Variants in SPECC1L observed in about 807,000 individuals in gnomAD.
The protein encoded by SPECC1L is cytospin-A.
SPECC1L carries 40 observed loss-of-function variants against 116.8 expected under a neutral mutation model. That is an observed-to-expected ratio of 0.34 (90% CI 0.27 to 0.45). The LOEUF is 0.45. Among genes scored for constraint, SPECC1L ranks in the 20% least tolerant of loss-of-function variants. The pLI is 1.00. For missense variants in SPECC1L, 1,110 were observed against 1,373.6 expected (o/e 0.81, Z 3.03); for synonymous variants, 504 against 500.6 (o/e 1.01, Z -0.09).
At chr22:24,289,526 A>G (rs2049117061) in intron 2 of SPECC1L, among the ~76,000 whole-genome samples, 1 of 152,172 alleles carries the variant, frequency 6.6e-6, no homozygotes, top group African/African-American at 2.4e-5. Context: ...TTCTAAGTTT[A>G]AAAAAATCCA....
intron 11 of SPECC1L, among the ~76,000 whole-genome samples, chr22:24,355,789 G>T: frequency 6.7e-6 from 1 of 149,920 alleles, no homozygotes; most frequent in African/African-American, 2.5e-5. Context: ...TCTGCATTCT[G>T]TTCTCCTCCC....
At chr22:24,359,296 C>T (rs931587447) in intron 11 of SPECC1L, among the ~76,000 whole-genome samples, 3 of 152,190 alleles carry the variant, frequency 2.0e-5, no homozygotes, top group Non-Finnish European at 4.4e-5. Context: ...TGCACTCCCA[C>T]GCCATCACCT....
At chr22:24,381,177 G>A (rs960665228) in intron 14 of SPECC1L, among the ~76,000 whole-genome samples, 4 of 152,114 alleles carry the variant, frequency 2.6e-5, no homozygotes, top group African/African-American at 9.7e-5. Flanking sequence ...TTGCATCACT[G>A]TTTTCTTGCC....
chr22:24,383,331 C>T (rs1176733162), intron 14 of SPECC1L, among the ~76,000 whole-genome samples: 2 of 152,164 alleles, frequency 1.3e-5, no homozygotes, highest in Non-Finnish European at 1.5e-5. Context: ...AATCCTAGCA[C>T]TTTGGGAAAC....
intron 2 of SPECC1L, among the ~76,000 whole-genome samples, chr22:24,282,451 G>C (rs559567003): frequency 2.5e-4 from 38 of 152,344 alleles, no homozygotes; most frequent in African/African-American, 7.7e-4. Flanking sequence ...TTAGAAGCAA[G>C]ATGGAGTCAG....
chr22:24,325,896 G>A (rs547261468), intron 6 of SPECC1L, among the ~76,000 whole-genome samples: 17 of 152,214 alleles, frequency 1.1e-4, no homozygotes, highest in African/African-American at 4.1e-4. Flanking sequence ...ACAATTTTCA[G>A]CAAATTTCAA....
At position 24,390,872 on chromosome 22, in the gene SPECC1L, C is replaced by CTTTTCTT. The variant is rs2042253331; in HGVS notation, c.3088-20712_3088-20711insCTTTTTT. ...TGTTCCTTTTTTTTTTTTTTCTTTT[C>CTTTTCTT]TTTTTTTTTTTTTTTTTTTTTTTTT... On this transcript the variant is annotated intron_variant, in intron 14 of 16. Coordinates refer to ENST00000314328, the MANE Select transcript of SPECC1L (RefSeq NM_015330.6). Among the ~76,000 whole-genome samples the CTTTTCTT allele has an allele frequency of 2.9e-3, 167 of 57,130 alleles. 6 individuals are homozygous for CTTTTCTT. Among genetic ancestry groups the CTTTTCTT allele is most frequent in the African/African-American group, 0.012 (164 of 13,220 alleles). 37.5% of individuals were successfully genotyped at this position (57,130 alleles called of 152,430 possible). A position where few individuals can be genotyped will look rare whatever the true frequency, so the allele number is the denominator to read the frequency against.
intron 14 of SPECC1L, among the ~76,000 whole-genome samples, chr22:24,376,266 C>T (rs1302195071): frequency 1.3e-5 from 2 of 152,110 alleles, no homozygotes; most frequent in Admixed American, 1.3e-4. Context: ...CTCAAGTGGT[C>T]CTCCCACTTC....
At chr22:24,283,037 C>T (rs1307659757) in intron 2 of SPECC1L, among the ~76,000 whole-genome samples, 1 of 151,856 alleles carries the variant, frequency 6.6e-6, no homozygotes, top group Non-Finnish European at 1.5e-5. Context: ...CTCATCCTCC[C>T]AAAGTGCTGG....
At chr22:24,343,310 C>T (rs2041218106) in intron 10 of SPECC1L, among the ~76,000 whole-genome samples, 1 of 152,154 alleles carries the variant, frequency 6.6e-6, no homozygotes, top group South Asian at 2.1e-4. Flanking sequence ...CGTATATAAA[C>T]ATACAAACAC....
intron 2 of SPECC1L, among the ~76,000 whole-genome samples, chr22:24,279,869 C>A (rs550935104): frequency 1.3e-5 from 2 of 152,248 alleles, no homozygotes; most frequent in African/African-American, 4.8e-5. Flanking sequence ...TGAGACACCA[C>A]GCCCAGGTGA....
chr22:24,274,038 A>T (rs1335345688), intron 1 of SPECC1L, among the ~76,000 whole-genome samples: 1 of 152,198 alleles, frequency 6.6e-6, no homozygotes, highest in East Asian at 1.9e-4. Context: ...GATTACAGGC[A>T]CTAGCCACCT....
At chr22:24,361,982 T>C (rs181385220) in intron 11 of SPECC1L, among the ~76,000 whole-genome samples, 10 of 152,326 alleles carry the variant, frequency 6.6e-5, no homozygotes, top group Admixed American at 2.0e-4. Flanking sequence ...TTGACATCAT[T>C]ATATTTTTAG....
chr22:24,325,397 A>T (rs1261635518), intron 6 of SPECC1L, among the ~76,000 whole-genome samples: 2 of 152,208 alleles, frequency 1.3e-5, no homozygotes, highest in Non-Finnish European at 2.9e-5. Flanking sequence ...AGGAAAAAAA[A>T]ATACATTCCA....
At chr22:24,277,325 C>G (rs1445554834) in intron 2 of SPECC1L, among the ~76,000 whole-genome samples, 4 of 152,186 alleles carry the variant, frequency 2.6e-5, no homozygotes, top group Admixed American at 6.5e-5. Flanking sequence ...TCCTCATTAT[C>G]CATGTATTCA....
chr22:24,335,248 T>C (rs1157677929), intron 9 of SPECC1L, among the ~76,000 whole-genome samples: 1 of 152,214 alleles, frequency 6.6e-6, no homozygotes, highest in Admixed American at 6.5e-5. Flanking sequence ...CAAATTAATC[T>C]CCCTGTTTCA....
At position 24,417,508 on chromosome 22, in the gene SPECC1L, G is replaced by C. The variant is rs948501171; in HGVS notation, c.*2885G>C. On this transcript the variant is annotated 3_prime_UTR_variant, in exon 17 of 17. Coordinates refer to ENST00000314328, the MANE Select transcript of SPECC1L (RefSeq NM_015330.6). ...TGAGCCCTGTAACCACTAGGGTTCT[G>C]TGACAGATGCCAAGACCCCAGAGAC... The C allele has an allele frequency of 1.3e-5, 2 of 152,316 alleles. No homozygotes were observed. The highest frequency in any genetic ancestry group is 4.8e-5 in the African/African-American group (2 of 41,444). 9.4% of individuals were successfully genotyped at this position (152,316 alleles called of 1,614,324 possible).
chr22:24,355,226 T>G (rs1261730944), intron 11 of SPECC1L, among the ~76,000 whole-genome samples: 1 of 137,820 alleles, frequency 7.3e-6, no homozygotes, highest in Non-Finnish European at 1.5e-5. Flanking sequence ...GAGGTTGCAA[T>G]GAGCCAGGAT....
chr22:24,327,945 G>A (rs1400274460), intron 6 of SPECC1L, among the ~76,000 whole-genome samples: 1 of 152,150 alleles, frequency 6.6e-6, no homozygotes, highest in African/African-American at 2.4e-5. Flanking sequence ...GGTAAATCAG[G>A]GTAAAGGATT....
Sources: allele counts gnomAD v4.1 joint callset (sites outside exome capture counted in the v4.1 genomes callset), GRCh38; gene constraint gnomAD v4.1.1; transcripts MANE v1.5; gene names NCBI Gene and HGNC (gene_info 2026-07-23, HGNC 2026-07-21).